NEBL: variants seen among roughly 807,000 people sequenced by gnomAD.
NEBL encodes LIM and SH3 protein 2.
In NEBL, 122 loss-of-function variants were observed where a neutral mutation model predicts 140.2. The ratio of observed to expected loss-of-function variants is 0.87; its 90% CI spans 0.75 to 1.01. NEBL has a LOEUF of 1.01. NEBL is among the 50% of genes least tolerant of loss of function. NEBL has a pLI of 0.00. For missense variants in NEBL, 1,365 were observed against 1,231.3 expected (o/e 1.11, Z -1.62); for synonymous variants, 436 against 398.9 (o/e 1.09, Z -1.11).
intron 1 of NEBL, among the ~76,000 whole-genome samples, chr10:21,281,008 T>G (rs1842986013): frequency 6.6e-6 from 1 of 152,186 alleles, no homozygotes; most frequent in Non-Finnish European, 1.5e-5. Context: ...TAGGCAGATA[T>G]GTTCAAATAT....
chr10:21,026,544 C>T (rs1052737413), intron 2 of NEBL, among the ~76,000 whole-genome samples: 2 of 152,172 alleles, frequency 1.3e-5, no homozygotes, highest in East Asian at 1.9e-4. Flanking sequence ...TATTCTAAAT[C>T]GATTATATCC....
At chr10:20,876,274 G>A (rs577279656) in intron 5 of NEBL, among the ~76,000 whole-genome samples, 1 of 152,176 alleles carries the variant, frequency 6.6e-6, no homozygotes, top group Non-Finnish European at 1.5e-5. Context: ...TAAATCTATA[G>A]TTGATAAAAG....
chr10:20,940,216 A>G (rs1834776126), intron 4 of NEBL, among the ~76,000 whole-genome samples: 1 of 152,148 alleles, frequency 6.6e-6, no homozygotes. Flanking sequence ...GTAAAAGAAC[A>G]GAAATTATAA....
intron 10 of NEBL, among the ~76,000 whole-genome samples, chr10:20,852,054 A>T (rs788988): frequency 0.92 from 139,247 of 152,026 alleles, 64,618 homozygotes; most frequent in Non-Finnish European, 1. Flanking sequence ...GAGAGAAGAT[A>T]TTTTTTAAGT....
chr10:21,036,677 C>T (rs1368719916), intron 2 of NEBL, among the ~76,000 whole-genome samples: 2 of 152,006 alleles, frequency 1.3e-5, no homozygotes, highest in Non-Finnish European at 1.5e-5. Flanking sequence ...CCTTTGCACC[C>T]TCCTTTTACT....
At chr10:21,104,970 A>G (rs887018064) in intron 2 of NEBL, among the ~76,000 whole-genome samples, 4 of 152,230 alleles carry the variant, frequency 2.6e-5, no homozygotes, top group Non-Finnish European at 5.9e-5. Flanking sequence ...TTCTACACCA[A>G]TTAAGATAAA....
chr10:21,257,355 T>A (rs1214336883), intron 1 of NEBL, among the ~76,000 whole-genome samples: 1 of 152,184 alleles, frequency 6.6e-6, no homozygotes, highest in Non-Finnish European at 1.5e-5. Context: ...CCTCAGGGAA[T>A]CTGGTGAGCT....
At chr10:20,927,148 G>C (rs1833952134) in intron 4 of NEBL, among the ~76,000 whole-genome samples, 1 of 152,142 alleles carries the variant, frequency 6.6e-6, no homozygotes, top group Non-Finnish European at 1.5e-5. Context: ...GCCACTGTGT[G>C]TCCAGTGATA....
rs150518045 is a variant in NEBL at position 20,852,559 on chromosome 10, C to T, written c.994G>A (p.Val332Ile). The T allele has an allele frequency of 1.6e-4, 254 of 1,612,712 alleles. No homozygotes were observed. In the African/African-American group the frequency reaches 1.6e-3, roughly 10 times the overall value. Reference sequence around the variant, plus strand: ...CAAGTGTGTACCTGACTTTGGAGGACGGCATTGCCTTTATGGTGCAGATGT... The same window carrying T: ...CAAGTGTGTACCTGACTTTGGAGGATGGCATTGCCTTTATGGTGCAGATGT... ...VEHLHHKGNAVLQSQVKYKEE... is the reference protein window; with the variant it reads ...VEHLHHKGNAILQSQVKYKEE... The change falls in exon 10 of 28, where the codon GTC (valine) becomes ATC (isoleucine). Residue 332 changes from valine (V) to isoleucine (I), a missense_variant. By Grantham distance (29) the Val-to-Ile change is conservative. Coordinates refer to ENST00000377122, the MANE Select transcript of NEBL (RefSeq NM_006393.3).
chr10:21,226,492 T>C (rs1261213263), intron 3 of NEBL, among the ~76,000 whole-genome samples: 2 of 152,096 alleles, frequency 1.3e-5, no homozygotes. Context: ...CCTTTCAAGT[T>C]TATTTAGAGC....
intron 1 of NEBL, among the ~76,000 whole-genome samples, chr10:21,271,682 C>T (rs571251369): frequency 7.9e-5 from 12 of 152,078 alleles, no homozygotes; most frequent in African/African-American, 2.4e-4. Context: ...CCCGCCACCA[C>T]GCCTGGCTGA....
intron 2 of NEBL, among the ~76,000 whole-genome samples, chr10:21,120,390 AT>A (rs1198130453): frequency 6.0e-5 from 6 of 99,518 alleles, no homozygotes; most frequent in Admixed American, 9.7e-5. Flanking sequence ...AAAAAAAAAA[AT>A]ACATATATAT....
intron 3 of NEBL, among the ~76,000 whole-genome samples, chr10:20,981,435 A>G (rs1837037014): frequency 6.6e-6 from 1 of 152,176 alleles, no homozygotes; most frequent in Non-Finnish European, 1.5e-5. Context: ...TTATAAAACA[A>G]TCACTTTATA....
intron 2 of NEBL, among the ~76,000 whole-genome samples, chr10:21,036,214 A>G (rs1050413305): frequency 6.6e-6 from 1 of 151,958 alleles, no homozygotes; most frequent in African/African-American, 2.4e-5. Context: ...AAATCACAGC[A>G]TTTTGGGAGG....
At chr10:21,090,064 G>T (rs1039757508) in intron 2 of NEBL, among the ~76,000 whole-genome samples, 3 of 152,094 alleles carry the variant, frequency 2.0e-5, no homozygotes, top group Admixed American at 6.5e-5. Flanking sequence ...TCACAACTCA[G>T]ACCAAACATG....
intron 3 of NEBL, among the ~76,000 whole-genome samples, chr10:21,009,930 A>C (rs1589132973): frequency 6.6e-6 from 1 of 152,194 alleles, no homozygotes. Context: ...GGGCACAATA[A>C]GGGCTACCGC....
At chr10:21,157,641 C>T (rs1182996923) in intron 2 of NEBL, among the ~76,000 whole-genome samples, 1 of 152,172 alleles carries the variant, frequency 6.6e-6, no homozygotes, top group Non-Finnish European at 1.5e-5. Context: ...GTATATATTT[C>T]CTTTCTTCTC....
At chr10:21,239,743 C>A (rs908676544) in intron 3 of NEBL, among the ~76,000 whole-genome samples, 1 of 152,108 alleles carries the variant, frequency 6.6e-6, no homozygotes, top group Non-Finnish European at 1.5e-5. Context: ...AGTGGCAGGG[C>A]GCGGTGGCTC....
At chr10:20,920,757 TA>T (rs1450469318) in intron 4 of NEBL, among the ~76,000 whole-genome samples, 1 of 152,136 alleles carries the variant, frequency 6.6e-6, no homozygotes, top group African/African-American at 2.4e-5. Context: ...TTTATACAAT[TA>T]AAAATATATA....
Sources: gnomAD v4.1 joint callset for allele counts (sites outside exome capture counted in the v4.1 genomes callset) on GRCh38, gnomAD v4.1.1 for gene constraint, MANE v1.5 for transcripts, NCBI Gene and HGNC (gene_info 2026-07-23, HGNC 2026-07-21) for gene names.